RTRAF: variants seen among roughly 807,000 people sequenced by gnomAD.
RTRAF encodes the protein RNA transcription, translation and transport factor.
Under a neutral mutation model 34.4 loss-of-function variants are expected in RTRAF, and 14 were observed. The ratio of observed to expected loss-of-function variants is 0.41; its 90% CI spans 0.27 to 0.64. The LOEUF (loss-of-function observed/expected upper bound fraction) is 0.64, where lower values mean the gene tolerates loss of function less well. Ranked by LOEUF, RTRAF falls within the 30% of genes least tolerant of loss-of-function variation. The pLI, the probability that RTRAF is intolerant of heterozygous loss-of-function variation, is 0.34. For synonymous variants in RTRAF, 96 were observed against 95.3 expected, an observed-to-expected ratio of 1.01 and a Z score of -0.04; for missense variants, 291 against 288.4, an observed-to-expected ratio of 1.01 and a Z score of -0.06.
rs149021065 is a variant in RTRAF, at chr14:52,005,784, C to T, written c.*1268C>T. 11 of 1,613,762 alleles carry T rather than the reference C, an allele frequency of 6.8e-6. No individual in the cohort carries two copies. Among genetic ancestry groups the T allele is most frequent in the African/African-American group, 6.7e-5 (5 of 74,900 alleles). ...TGCAGTTATCCCGTAGAGGTGAGAT[C>T]GTTGTTCTGGGAGATACTCATCAGT... is the stretch of plus-strand genomic sequence containing the variant. On this transcript the variant is annotated 3_prime_UTR_variant, in exon 8 of 8. Coordinates refer to ENST00000261700, the MANE Select transcript of RTRAF (RefSeq NM_016039.3).
In RTRAF at chr14:52,007,518, A is replaced by G. The variant is rs377757198; in HGVS notation, c.*3002A>G. On this transcript the variant is annotated 3_prime_UTR_variant, in exon 8 of 8. Coordinates refer to ENST00000261700, the MANE Select transcript of RTRAF (RefSeq NM_016039.3). ...CCCCGCATAAGAATAACTTCACTTA[A>G]GTTTGTCAATTCAACAATGGCTAAT... is the stretch of plus-strand genomic sequence containing the variant. The G allele has an allele frequency of 1.5e-4, 56 of 364,098 alleles. No homozygotes were observed. The highest frequency in any genetic ancestry group is 1.2e-3 in the African/African-American group (54 of 46,406). 22.6% of individuals were successfully genotyped at this position (364,098 alleles called of 1,614,324 possible). A position where few individuals can be genotyped will look rare whatever the true frequency, so the allele number is the denominator to read the frequency against.
At chr14:51,989,734 C>T in intron 1 of RTRAF, 34 bp downstream of exon 1, 2 of 1,573,404 alleles carry the variant, frequency 1.3e-6, no homozygotes, top group Non-Finnish European at 1.7e-6. Flanking sequence ...CCGCGTGTCC[C>T]TGACCTGGGC....
rs1890473260 is a variant in RTRAF, at chr14:51,993,750, A to G, written c.214A>G (p.Lys72Glu). Residue 72 changes from lysine to glutamate, a missense_variant, in exon 3 of 8, where the codon AAG becomes GAG. Coordinates refer to ENST00000261700, the MANE Select transcript of RTRAF (RefSeq NM_016039.3). Reference protein sequence around the residue: ...KYLRDVNCPFKIQDRQEAIDW... With the variant: ...KYLRDVNCPFEIQDRQEAIDW... ...TCTCAGAGATGTTAACTGTCCTTTC[A>G]AGATTCAAGATCGACAAGAAGCTAT... The G allele has an allele frequency of 1.2e-6, 2 of 1,602,594 alleles. No individual in the cohort carries two copies. The highest frequency in any genetic ancestry group is 2.2e-5 in the South Asian group (2 of 89,054).
intron 3 of RTRAF, among the ~76,000 whole-genome samples, chr14:51,997,482 CTTAAATT>C (rs1425227380): frequency 1.3e-5 from 2 of 151,900 alleles, no homozygotes; most frequent in African/African-American, 4.8e-5. Flanking sequence ...TTAACTCTGA[CTTAAATT>C]TTATGCTTTT....
intron 3 of RTRAF, among the ~76,000 whole-genome samples, chr14:51,995,592 G>A (rs1305108286): frequency 6.6e-6 from 1 of 152,100 alleles, no homozygotes; most frequent in Non-Finnish European, 1.5e-5. Flanking sequence ...GGTCAATATT[G>A]TGTCTGTCAC....
intron 2 of RTRAF, among the ~76,000 whole-genome samples, chr14:51,991,902 A>C (rs1045614186): frequency 2.0e-5 from 3 of 152,204 alleles, no homozygotes; most frequent in African/African-American, 7.2e-5. Context: ...CCCTGTCTCT[A>C]CAAGAAAATA....
At chr14:52,001,372 G>A (rs1223869360) in intron 5 of RTRAF, among the ~76,000 whole-genome samples, 1 of 152,182 alleles carries the variant, frequency 6.6e-6, no homozygotes, top group Non-Finnish European at 1.5e-5. Context: ...GTGTAAGACA[G>A]TATGTATGAT....
chr14:51,989,822 G>C, intron 1 of RTRAF, 122 bp downstream of exon 1: 1 of 995,818 alleles, frequency 1.0e-6, no homozygotes, highest in Non-Finnish European at 1.5e-6. Flanking sequence ...GGCAGCCTCC[G>C]GGCCCCTCTC....
At chr14:51,996,651 A>G (rs530685880) in intron 3 of RTRAF, among the ~76,000 whole-genome samples, 3 of 152,132 alleles carry the variant, frequency 2.0e-5, no homozygotes, top group South Asian at 4.1e-4. Context: ...TTTGATAGTA[A>G]ATTATAGATG....
At chr14:51,991,232 C>T (rs1890429462) in intron 1 of RTRAF, 85 bp from the exon 2 acceptor site, 2 of 1,383,186 alleles carry the variant, frequency 1.4e-6, no homozygotes, top group Non-Finnish European at 2.0e-6. Flanking sequence ...GAAAATTCCA[C>T]AAGAACATAT....
intron 6 of RTRAF, among the ~76,000 whole-genome samples, chr14:52,002,981 T>C (rs887969876): frequency 3.9e-5 from 6 of 152,232 alleles, no homozygotes; most frequent in African/African-American, 1.2e-4. Flanking sequence ...TAAATTGTTC[T>C]GGTGTAATAA....
chr14:51,991,471 C>T, intron 2 of RTRAF, 30 bp downstream of exon 2: 1 of 1,588,024 alleles, frequency 6.3e-7, no homozygotes. Flanking sequence ...AGTAAAAATA[C>T]AGAGAGTTTG....
intron 4 of RTRAF, among the ~76,000 whole-genome samples, chr14:51,998,809 G>GATT: frequency 6.6e-6 from 1 of 151,766 alleles, no homozygotes; most frequent in Non-Finnish European, 1.5e-5. Context: ...CTAGTAATTT[G>GATT]GAGTTTTGAT....
At position 52,005,321 on chromosome 14, in the gene RTRAF, A is replaced by G. The variant is rs1405783198; in HGVS notation, c.*805A>G. The G allele has an allele frequency of 3.0e-5, 15 of 498,438 alleles. No individual in the cohort carries two copies. Among genetic ancestry groups the G allele is most frequent in the Non-Finnish European group, 6.8e-6 (2 of 295,846 alleles). The allele number at this position is 498,438 out of a possible 1,614,324, so 30.9% of individuals were successfully genotyped here. On this transcript the variant is annotated 3_prime_UTR_variant, in exon 8 of 8. Coordinates refer to ENST00000261700, the MANE Select transcript of RTRAF (RefSeq NM_016039.3). ...AAAATACAGTAGTAAAGATTGAGGTATCAGCTTTTCACAAAAGTCTTTTTG... is the reference window on the plus strand; with the variant it reads ...AAAATACAGTAGTAAAGATTGAGGTGTCAGCTTTTCACAAAAGTCTTTTTG...
Position 51,998,527 on chromosome 14 carries a change from CA to C in RTRAF, c.325del (p.Thr109LeufsTer12). ...EKYKDLVPDN[S>X]KTADNATKNA... is the part of the protein sequence containing the mutation. ...TACAAGGATTTAGTACCTGATAATT[CA>C]AAAACTGCTGACAATGCAACTAAAA... is the stretch of plus-strand genomic sequence containing the variant. On this transcript the variant is annotated frameshift_variant, in exon 4 of 8. Transcript: ENST00000261700. LOFTEE classifies it high-confidence loss of function. 6.3e-7 allele frequency: 1 copy of C among 1,589,582 alleles called. No individual in the cohort carries two copies.
intron 3 of RTRAF, among the ~76,000 whole-genome samples, chr14:51,995,057 A>G (rs1038474035): frequency 1.3e-5 from 2 of 151,870 alleles, no homozygotes; most frequent in African/African-American, 4.8e-5. Flanking sequence ...TAAGTCATTA[A>G]CCACTTTCCA....
chr14:52,006,210 C>T lies in RTRAF; in HGVS notation c.*1694C>T, dbSNP rs1302350988. ...CCAACTTAAGCCCTGTAATATAGCTCATGGTATCAAGGGTAGTCTTATTCT... is the reference window on the plus strand; with the variant it reads ...CCAACTTAAGCCCTGTAATATAGCTTATGGTATCAAGGGTAGTCTTATTCT... On this transcript the variant is annotated 3_prime_UTR_variant, in exon 8 of 8. Coordinates refer to ENST00000261700, the MANE Select transcript of RTRAF (RefSeq NM_016039.3). 7.6e-6 allele frequency: 3 copies of T among 392,684 alleles called. No homozygotes were observed. The East Asian group carries it at 1.5e-4, about 20-fold the overall frequency. The allele number at this position is 392,684 out of a possible 1,614,324, so 24.3% of individuals were successfully genotyped here.
rs534959956 is a variant in RTRAF, at chr14:52,007,527, A to G, written c.*3011A>G. The stretch of plus-strand genomic sequence containing the variant: ...AGAATAACTTCACTTAAGTTTGTCA[A>G]TTCAACAATGGCTAATTCTTTTAAC... On this transcript the variant is annotated 3_prime_UTR_variant, in exon 8 of 8. Coordinates refer to ENST00000261700, the MANE Select transcript of RTRAF (RefSeq NM_016039.3). 6.1e-5 allele frequency: 23 copies of G among 380,142 alleles called. No homozygotes were observed. In the South Asian group the frequency reaches 6.1e-4, roughly 10 times the overall value. The allele number at this position is 380,142 out of a possible 1,614,324, so 23.5% of individuals were successfully genotyped here.
rs1400657316 is a variant in RTRAF, at chr14:52,004,222, T to C, written c.560T>C (p.Ile187Thr). 3 of 1,613,464 alleles carry C rather than the reference T, an allele frequency of 1.9e-6. No homozygotes were observed. The highest frequency in any genetic ancestry group is 1.3e-5 in the African/African-American group (1 of 74,914). Reference sequence around the variant, plus strand: ...TTACCTGTTGCTTTAGACAAACATATTCTTGGTTTTGACACAGGAGGTAAG... The same window carrying C: ...TTACCTGTTGCTTTAGACAAACATACTCTTGGTTTTGACACAGGAGGTAAG... ...EGLPVALDKH[I>T]LGFDTGDAVL... Residue 187 changes from isoleucine (I) to threonine (T), a missense_variant, in exon 7 of 8, where the codon ATT becomes ACT. Ile to Thr is a moderately conservative substitution (Grantham distance 89, BLOSUM62 -1). Coordinates refer to ENST00000261700, the MANE Select transcript of RTRAF (RefSeq NM_016039.3).
Sources: gnomAD v4.1 joint callset for allele counts (sites outside exome capture counted in the v4.1 genomes callset) on GRCh38, gnomAD v4.1.1 for gene constraint, MANE v1.5 for transcripts, NCBI Gene and HGNC (gene_info 2026-07-23, HGNC 2026-07-21) for gene names.